Variants in ANAPC5 observed in about 807,000 individuals in gnomAD.
The protein encoded by ANAPC5 is anaphase-promoting complex subunit 5.
Under a neutral mutation model 91.3 loss-of-function variants are expected in ANAPC5, and 60 were observed. That is an observed-to-expected ratio of 0.66 (90% CI 0.53 to 0.81). The LOEUF (loss-of-function observed/expected upper bound fraction) is 0.81, where lower values mean the gene tolerates loss of function less well. Ranked by LOEUF, ANAPC5 falls within the 40% of genes least tolerant of loss-of-function variation. ANAPC5 has a pLI of 0.00. For synonymous variants in ANAPC5, 340 were observed against 364.1 expected, an observed-to-expected ratio of 0.93 and a Z score of 0.75; for missense variants, 690 against 931.5, an observed-to-expected ratio of 0.74 and a Z score of 3.37.
intron 4 of ANAPC5, among the ~76,000 whole-genome samples, chr12:121,344,179 G>A (rs1485300162): frequency 3.9e-5 from 6 of 152,210 alleles, no homozygotes; most frequent in Admixed American, 3.3e-4. Context: ...ACAGAGAAGG[G>A]TCTCAGTTCT....
intron 1 of ANAPC5, among the ~76,000 whole-genome samples, chr12:121,350,585 G>C (rs1477858869): frequency 6.6e-6 from 1 of 151,948 alleles, no homozygotes; most frequent in Middle Eastern, 3.2e-3. Flanking sequence ...GGAGGCTGAG[G>C]CAGGAGAATG....
intron 15 of ANAPC5, among the ~76,000 whole-genome samples, chr12:121,313,483 G>T (rs954678523): frequency 3.3e-5 from 5 of 152,148 alleles, no homozygotes; most frequent in African/African-American, 1.2e-4. Flanking sequence ...GTTCTTTGAA[G>T]AGATCGACAA....
At position 121,318,582 on chromosome 12, in the gene ANAPC5, T is replaced by C; in HGVS notation, c.1664A>G (p.Asn555Ser). The C allele has an allele frequency of 1.2e-6, 2 of 1,614,162 alleles. No individual in the cohort carries two copies. The highest frequency in any genetic ancestry group is 2.2e-5 in the South Asian group (2 of 91,064). ...YRKAVVLQAQ[N>S]QMSEAHKLLQ... ...AAGCTTATGTGCCTCTGACATTTGG[T>C]TCTGAGCTTGTAATACAACCGCTTT... Residue 555 changes from asparagine to serine, a missense_variant, in exon 14 of 17, where the codon AAC (asparagine) becomes AGC (serine). This residue lies in a region of ANAPC5 where 317 missense variants were observed against 438.7 expected (regional missense o/e 0.72). Coordinates refer to ENST00000261819, the MANE Select transcript of ANAPC5 (RefSeq NM_016237.5).
At chr12:121,338,120 T>C (rs1555273715) in intron 5 of ANAPC5, among the ~76,000 whole-genome samples, 1 of 152,088 alleles carries the variant, frequency 6.6e-6, no homozygotes, top group Non-Finnish European at 1.5e-5. Context: ...ATGCCTGTAA[T>C]CCCAGCACTT....
chr12:121,331,296 A>C (rs1037419302), intron 8 of ANAPC5, 51 bp downstream of exon 8: 72 of 1,494,340 alleles, frequency 4.8e-5, no homozygotes, highest in Non-Finnish European at 6.4e-5. Context: ...GGCCTTGTGA[A>C]GGCCAATTCA....
intron 11 of ANAPC5, among the ~76,000 whole-genome samples, chr12:121,321,746 C>T (rs1426080776): frequency 3.9e-5 from 6 of 152,040 alleles, no homozygotes; most frequent in Non-Finnish European, 8.8e-5. Context: ...CCATGTTGGC[C>T]AGGCTGGTCT....
At chr12:121,313,489 G>A (rs1902248071) in intron 15 of ANAPC5, among the ~76,000 whole-genome samples, 3 of 152,206 alleles carry the variant, frequency 2.0e-5, no homozygotes, top group African/African-American at 7.2e-5. Flanking sequence ...TGAAGAGATC[G>A]ACAAAATTGA....
At chr12:121,339,333 G>A (rs1186293582) in intron 5 of ANAPC5, among the ~76,000 whole-genome samples, 2 of 152,084 alleles carry the variant, frequency 1.3e-5, no homozygotes, top group African/African-American at 4.8e-5. Flanking sequence ...TTATAGGCAT[G>A]AGCCACTGTG....
chr12:121,318,686 C>A, intron 13 of ANAPC5, 78 bp from the exon 14 acceptor site: 1 of 1,264,734 alleles, frequency 7.9e-7, no homozygotes, highest in Admixed American at 1.9e-5. Flanking sequence ...TTCAATTGCG[C>A]TATAAACCTC....
At chr12:121,340,892 T>C (rs1420201058) in intron 5 of ANAPC5, among the ~76,000 whole-genome samples, 4 of 151,176 alleles carry the variant, frequency 2.6e-5, no homozygotes, top group Non-Finnish European at 4.4e-5. Context: ...AAACATTACA[T>C]CTTTCTGCAG....
At chr12:121,338,691 A>G (rs1486669339) in intron 5 of ANAPC5, among the ~76,000 whole-genome samples, 1 of 152,084 alleles carries the variant, frequency 6.6e-6, no homozygotes, top group Non-Finnish European at 1.5e-5. Context: ...GAAAACAAAA[A>G]TCTTCTGCAA....
intron 15 of ANAPC5, chr12:121,318,054 A>G: frequency 2.6e-6 from 1 of 390,754 alleles, no homozygotes; most frequent in East Asian, 3.9e-5. Context: ...CTCCTTACTG[A>G]ATACACAGCT....
chr12:121,345,369 G>A (rs1903622791), intron 4 of ANAPC5, among the ~76,000 whole-genome samples: 1 of 152,170 alleles, frequency 6.6e-6, no homozygotes, highest in Non-Finnish European at 1.5e-5. Flanking sequence ...TGAGTAGTCT[G>A]AGAAGAGTTT....
intron 15 of ANAPC5, among the ~76,000 whole-genome samples, chr12:121,311,941 G>A (rs1052687562): frequency 2.0e-5 from 3 of 152,168 alleles, no homozygotes; most frequent in Non-Finnish European, 1.5e-5. Flanking sequence ...GGAAAGAGAA[G>A]ACTTGAATGA....
rs1183768590 is a variant in ANAPC5, at chr12:121,335,639, T to G, written c.844A>C (p.Ile282Leu). The change falls in exon 7 of 17, where the codon ATT (isoleucine) becomes CTT (leucine). Residue 282 changes from isoleucine to leucine, a missense_variant. This residue lies in a region of ANAPC5 where 83 missense variants were observed against 150.8 expected (regional missense o/e 0.55). Transcript: ENST00000261819. ...CTTTTGCTTTCGGCTCCGGTAAGAA[T>G]CAGACGATCAAAATAATGGAGGAGA... ...HSLLHYFDRL[I>L]LTGAESKSNG... 8.7e-6 allele frequency: 14 copies of G among 1,614,136 alleles called. No individual in the cohort carries two copies. Among genetic ancestry groups the G allele is most frequent in the Non-Finnish European group, 1.1e-5 (13 of 1,179,976 alleles).
intron 9 of ANAPC5, among the ~76,000 whole-genome samples, chr12:121,329,355 T>TAAC (rs1902944590): frequency 6.6e-6 from 1 of 152,078 alleles, no homozygotes; most frequent in South Asian, 2.1e-4. Context: ...GCTTTTACCA[T>TAAC]AACGGTCAGG....
At position 121,331,373 on chromosome 12, in the gene ANAPC5, C is replaced by T; in HGVS notation, c.1006G>A (p.Asp336Asn). The T allele has an allele frequency of 6.2e-6, 10 of 1,608,940 alleles. No individual in the cohort carries two copies. The highest frequency in any genetic ancestry group is 6.8e-6 in the Non-Finnish European group (8 of 1,175,622). The part of the protein sequence containing the change: ...EAIRIAQESN[D>N]HVCLQHCLSW... ...AAACAGTGCTGGAGACACACGTGAT[C>T]GTTGGACTCCTGGGCAATCCTAATT... Residue 336 changes from aspartate (D) to asparagine (N), a missense_variant, in exon 8 of 17, where the codon GAT (aspartate) becomes AAT (asparagine). Physicochemically the swap from Asp to Asn is conservative, Grantham distance 23. Around this residue, in one of 5 missense-constraint regions of ANAPC5, gnomAD observed 83 missense variants for 150.8 expected, o/e 0.55. Coordinates refer to ENST00000261819, the MANE Select transcript of ANAPC5 (RefSeq NM_016237.5).
rs568808349 is a variant in ANAPC5, at chr12:121,310,755, G to A, written c.1894-892C>T. ...TCGAGACCAGCCTGGCCAACATGGT[G>A]AAACCCTGTCTTTCCTAAAAATACA... On this transcript the variant is annotated intron_variant, in intron 15 of 16. Transcript: ENST00000261819. 4.6e-5 allele frequency among the ~76,000 whole-genome samples: 7 copies of A among 151,938 alleles called. No homozygotes were observed. In the South Asian group the frequency reaches 1.5e-3, roughly 32 times the overall value.
intron 15 of ANAPC5, among the ~76,000 whole-genome samples, chr12:121,315,731 G>A (rs1397984850): frequency 1.3e-5 from 2 of 152,088 alleles, no homozygotes; most frequent in Non-Finnish European, 2.9e-5. Context: ...AATGGTGCTA[G>A]AATAACCTAT....
Sources: gnomAD v4.1 joint callset for allele counts (sites outside exome capture counted in the v4.1 genomes callset) on GRCh38, gnomAD v4.1.1 for gene constraint, gnomAD v4.1.1 regional missense constraint, MANE v1.5 for transcripts, NCBI Gene and HGNC (gene_info 2026-07-23, HGNC 2026-07-21) for gene names.